PAX6: variants seen among roughly 807,000 people sequenced by gnomAD.
PAX6 encodes the protein paired box 6.
In PAX6, 7 loss-of-function variants were observed where a neutral mutation model predicts 60.7. The observed-to-expected ratio is 0.12, with a 90% CI of 0.07 to 0.22. PAX6 has a LOEUF of 0.22. Ranked by LOEUF, PAX6 falls within the 10% of genes least tolerant of loss-of-function variation. The probability of loss-of-function intolerance (pLI) is 1.00; values close to 1 mark genes in which losing one functional copy is unlikely to be tolerated. For synonymous variants in PAX6, 208 were observed against 201.2 expected (o/e 1.03, Z -0.29); for missense variants, 355 against 555.2 (o/e 0.64, Z 3.62).
chr11:31,796,994 G>A (rs1032187018), intron 8 of PAX6, among the ~76,000 whole-genome samples: 2 of 152,104 alleles, frequency 1.3e-5, no homozygotes, highest in Admixed American at 1.3e-4. Flanking sequence ...TTTTTCAAGG[G>A]AAGAAATGAA....
intron 13 of PAX6, 64 bp downstream of exon 13, chr11:31,790,646 G>T: frequency 6.2e-7 from 1 of 1,607,938 alleles, no homozygotes; most frequent in Non-Finnish European, 8.5e-7. Context: ...AGGAGATTCT[G>T]TTTGGGTAAA....
chr11:31,806,044 T>G (rs1435596712), intron 4 of PAX6: 2 of 312,964 alleles, frequency 6.4e-6, no homozygotes, highest in Non-Finnish European at 1.2e-5. Context: ...GGAGAAGACT[T>G]CGCCCCGCCC....
At chr11:31,800,150 G>A (rs1229277817) in intron 8 of PAX6, among the ~76,000 whole-genome samples, 2 of 152,144 alleles carry the variant, frequency 1.3e-5, no homozygotes, top group East Asian at 1.9e-4. Flanking sequence ...GCGAACGGGG[G>A]AGGGGCAAGG....
chr11:31,795,865 G>T (rs1266205615), intron 8 of PAX6, among the ~76,000 whole-genome samples: 1 of 152,224 alleles, frequency 6.6e-6, no homozygotes, highest in Non-Finnish European at 1.5e-5. Context: ...TGGGTCTGGG[G>T]TCCTGAAATG....
intron 2 of PAX6, chr11:31,807,799 C>G (rs1480356077): frequency 6.6e-6 from 1 of 152,468 alleles, no homozygotes; most frequent in African/African-American, 2.4e-5. Context: ...ACCAACAACC[C>G]ACCAACTCAC....
At chr11:31,804,755 C>T (rs530714524) in intron 4 of PAX6, 1 of 152,390 alleles carries the variant, frequency 6.6e-6, no homozygotes, top group Admixed American at 6.5e-5. Context: ...CGGGCATAGC[C>T]ACGGCAATTC....
intron 2 of PAX6, chr11:31,809,294 A>G (rs1172760265): frequency 6.6e-6 from 1 of 152,260 alleles, no homozygotes; most frequent in Non-Finnish European, 1.5e-5. Context: ...ATTTCTCTTC[A>G]GTAAACTCGC....
chr11:31,795,937 G>T (rs542870747), intron 8 of PAX6, among the ~76,000 whole-genome samples: 1 of 152,224 alleles, frequency 6.6e-6, no homozygotes, highest in Non-Finnish European at 1.5e-5. Flanking sequence ...GGCCAGAGGC[G>T]GGGTGGAGGG....
At chr11:31,790,119 A>AAAAAAAC (rs1554982404) in intron 13 of PAX6, 100 bp from the exon 14 acceptor site, 1 of 771,870 alleles carries the variant, frequency 1.3e-6, no homozygotes, top group African/African-American at 1.8e-5. Flanking sequence ...AAAAAAAAAA[A>AAAAAAAC]ACTAATACTT....
intron 8 of PAX6, among the ~76,000 whole-genome samples, chr11:31,798,883 C>G (rs1477540565): frequency 6.6e-6 from 1 of 152,218 alleles, no homozygotes; most frequent in African/African-American, 2.4e-5. Flanking sequence ...TTCTGCCCAA[C>G]TCCAAGAAGC....
At position 31,802,053 on chromosome 11, in the gene PAX6, C is replaced by CT. The variant is rs202204811; in HGVS notation, c.142-142dup. On this transcript the variant is annotated intron_variant, in intron 5 of 13. Coordinates refer to ENST00000640368, the MANE Select transcript of PAX6 (RefSeq NM_001368894.2). ...TTGAACTAAAAAACGAATTTAAAAG[C>CT]TTTTTTTAAAAAAAAAACTTTTCTT... The CT allele has an allele frequency of 2.6e-3, 1,921 of 745,580 alleles. 17 individuals carry two copies. The highest frequency in any genetic ancestry group is 0.026 in the African/African-American group (1,423 of 55,492). 46.2% of individuals were successfully genotyped at this position (745,580 alleles called of 1,614,324 possible). A position where few individuals can be genotyped will look rare whatever the true frequency, so the allele number is the denominator to read the frequency against.
rs1258489566 is a variant in PAX6 at position 31,806,362 on chromosome 11, AC to A, written c.10+39del. Reference sequence around the variant, plus strand: ...CCTCCCCTGACCCTCGGGTCCGCGCACCCCGAGCCCGAAGTCCCAGAAAGAC... The same window carrying A: ...CCTCCCCTGACCCTCGGGTCCGCGCACCCGAGCCCGAAGTCCCAGAAAGAC... On this transcript the variant is annotated intron_variant, in intron 4 of 13. Coordinates refer to ENST00000640368, the MANE Select transcript of PAX6 (RefSeq NM_001368894.2). 8.8e-6 allele frequency: 14 copies of A among 1,597,338 alleles called. No homozygotes were observed. The Admixed American group carries it at 2.2e-4, about 25-fold the overall frequency.
At chr11:31,799,495 C>T (rs977368036) in intron 8 of PAX6, among the ~76,000 whole-genome samples, 1 of 152,242 alleles carries the variant, frequency 6.6e-6, no homozygotes, top group African/African-American at 2.4e-5. Context: ...AACATTTCTA[C>T]AGCTGTCTCC....
At chr11:31,812,296 C>CTGTGTGTGTGTG (rs1347167499), upstream of PAX6, 1 of 109,936 alleles carries the variant, frequency 9.1e-6, no homozygotes, top group African/African-American at 4.4e-5. Context: ...GATTCTCTCT[C>CTGTGTGTGTGTG]TCTCTCTGTG....
intron 8 of PAX6, among the ~76,000 whole-genome samples, chr11:31,797,247 C>A (rs989049750): frequency 1.1e-4 from 16 of 152,240 alleles, no homozygotes; most frequent in Admixed American, 1.0e-3. Context: ...CACATTCGAT[C>A]TCGCCAATTA....
intron 12 of PAX6, 126 bp from the exon 13 acceptor site, chr11:31,790,986 C>T (rs748902337): frequency 2.0e-6 from 2 of 989,362 alleles, no homozygotes; most frequent in Non-Finnish European, 3.1e-6. Flanking sequence ...ACGTGAAGTA[C>T]TGGAATTCCA....
intron 4 of PAX6, chr11:31,803,224 C>G (rs1043664786): frequency 3.8e-6 from 1 of 260,858 alleles, no homozygotes; most frequent in African/African-American, 2.2e-5. Context: ...GTGTCCCCAG[C>G]CCACTGCCCC....
Position 31,806,415 on chromosome 11 carries a change from G to C in PAX6, c.-4C>G. On this transcript the variant is annotated 5_prime_UTR_variant, in exon 4 of 14. Coordinates refer to ENST00000640368, the MANE Select transcript of PAX6 (RefSeq NM_001368894.2). ...AGAGGCACTTACTGTTCTGCATGCT[G>C]GCTCTGGCTGGGGGCCGCGGGATTC... 3.7e-6 allele frequency: 6 copies of C among 1,609,978 alleles called. No homozygotes were observed. The highest frequency in any genetic ancestry group is 5.1e-6 in the Non-Finnish European group (6 of 1,178,320).
At chr11:31,801,494 G>T in intron 7 of PAX6, 67 bp downstream of exon 7, 1 of 1,611,554 alleles carries the variant, frequency 6.2e-7, no homozygotes, top group South Asian at 1.1e-5. Context: ...AGAGAGGGTG[G>T]GAGGAGGTAA....
Sources: gnomAD v4.1 joint callset for allele counts (sites outside exome capture counted in the v4.1 genomes callset) on GRCh38, gnomAD v4.1.1 for gene constraint, MANE v1.5 for transcripts, NCBI Gene and HGNC (gene_info 2026-07-23, HGNC 2026-07-21) for gene names.